The following CHD3 variants were observed in gnomAD, a reference collection of about 807,000 sequenced individuals.
The protein encoded by CHD3 is ATP-dependent chromatin remodeler CHD3.
CHD3 carries 52 observed loss-of-function variants against 248.9 expected under a neutral mutation model. The ratio of observed to expected loss-of-function variants is 0.21; its 90% CI spans 0.17 to 0.26. The LOEUF (loss-of-function observed/expected upper bound fraction) is 0.26, where lower values mean the gene tolerates loss of function less well. Among genes scored for constraint, CHD3 ranks in the 10% least tolerant of loss-of-function variants. The pLI is 1.00. For synonymous variants in CHD3, 985 were observed against 985.2 expected (o/e 1.00, Z 0.00); for missense variants, 1,482 against 2,605.8 (o/e 0.57, Z 9.39).
chr17:7,885,226 G>T (rs1597894097), upstream of CHD3: 1 of 806,280 alleles, frequency 1.2e-6, no homozygotes, highest in East Asian at 1.3e-4. Context: ...GTGGCCCCGC[G>T]GCGGTCCGGG....
rs201820288 is a variant in CHD3 at position 7,890,934 on chromosome 17, C to A, written c.385-6C>A. On this transcript the variant is annotated splice_region_variant and splice_polypyrimidine_tract_variant and intron_variant, in intron 3 of 39. Transcript: ENST00000330494. ...CACCTACTTCACCAAAGCCCCTCTCCCGCAGCAAGTGGAACAGAAGTCATC... is the reference window on the plus strand; with the variant it reads ...CACCTACTTCACCAAAGCCCCTCTCACGCAGCAAGTGGAACAGAAGTCATC... The A allele has an allele frequency of 6.8e-4, 1,097 of 1,613,978 alleles. 3 individuals carry two copies. The highest frequency in any genetic ancestry group is 4.5e-4 in the Non-Finnish European group (533 of 1,179,994).
In CHD3 at chr17:7,911,653, G is replaced by A. The variant is rs571146266; in HGVS notation, c.*68G>A. ...GCCGACCCCCAGCTCAAGCGCTGGG[G>A]CCTGCTGCCAGCCCTCCACCTTCCC... On this transcript the variant is annotated 3_prime_UTR_variant, in exon 40 of 40. Transcript: ENST00000330494. This position sits in a 1 kb window ranked among gnomAD's most constrained non-coding sequence, Gnocchi z 5.4. The A allele has an allele frequency of 6.2e-7, 1 of 1,609,056 alleles. No homozygotes were observed. Among genetic ancestry groups the A allele is most frequent in the East Asian group, 2.2e-5 (1 of 44,698 alleles).
chr17:7,901,429 C>T lies in CHD3; in HGVS notation c.3252+54C>T, dbSNP rs181942833. The T allele has an allele frequency of 1.2e-3, 1,715 of 1,464,920 alleles. 19 individuals are homozygous for T. In the South Asian group the frequency reaches 0.014, roughly 12 times the overall value. 90.7% of individuals were successfully genotyped at this position (1,464,920 alleles called of 1,614,324 possible). A position where few individuals can be genotyped will look rare whatever the true frequency, so the allele number is the denominator to read the frequency against. On this transcript the variant is annotated intron_variant, in intron 20 of 39. Coordinates refer to ENST00000330494, the MANE Select transcript of CHD3 (RefSeq NM_001005273.3). Reference sequence around the variant, plus strand: ...TCTGCTTCCTCTTCCCTCTCCTCATCCTCCAGACTTTAATTTCTTACGGTC... The same window carrying T: ...TCTGCTTCCTCTTCCCTCTCCTCATTCTCCAGACTTTAATTTCTTACGGTC...
intron 4 of CHD3, among the ~76,000 whole-genome samples, chr17:7,891,784 C>G (rs1022268992): frequency 4.6e-5 from 7 of 151,972 alleles, no homozygotes; most frequent in Admixed American, 3.9e-4. Context: ...TCGCTTGAAC[C>G]CGGGAGGCAA....
chr17:7,907,329 C>G lies in CHD3; in HGVS notation c.4789-24C>G, dbSNP rs764546545. ...GGTACCTGGGAGCCCTCTGGCTCAT[C>G]CTGACCCCATTGTCCTCTTCCAGGC... On this transcript the variant is annotated intron_variant, in intron 31 of 39. Transcript: ENST00000330494. The surrounding 1 kb of genome is among the most constrained non-coding windows in gnomAD (Gnocchi z 4.3). 1.2e-6 allele frequency: 2 copies of G among 1,610,024 alleles called. No individual in the cohort carries two copies. Among genetic ancestry groups the G allele is most frequent in the Non-Finnish European group, 1.7e-6 (2 of 1,177,846 alleles).
At position 7,889,262 on chromosome 17, in the gene CHD3, G is replaced by A. The variant is rs1280950303; in HGVS notation, c.100+162G>A. On this transcript the variant is annotated intron_variant, in intron 1 of 39. Transcript: ENST00000330494. The surrounding 1 kb of genome is among the most constrained non-coding windows in gnomAD (Gnocchi z 4.5). Reference sequence around the variant, plus strand: ...TTGTGTCTCCCCACTCCAAGTGCTGGGGTCAGGCCAGGCCAGCAGCTGGGC... The same window carrying A: ...TTGTGTCTCCCCACTCCAAGTGCTGAGGTCAGGCCAGGCCAGCAGCTGGGC... 6.6e-6 allele frequency among the ~76,000 whole-genome samples: 1 copy of A among 152,260 alleles called. No homozygotes were observed. Among genetic ancestry groups the A allele is most frequent in the African/African-American group, 2.4e-5 (1 of 41,466 alleles).
chr17:7,889,721 G>C lies in CHD3; in HGVS notation c.158G>C (p.Gly53Ala), dbSNP rs1283091162. The C allele has an allele frequency of 2.5e-6, 4 of 1,613,444 alleles. No homozygotes were observed. The highest frequency in any genetic ancestry group is 1.3e-5 in the African/African-American group (1 of 74,896). The change falls in exon 2 of 40, where the codon GGA becomes GCA. Residue 53 changes from glycine to alanine, a missense_variant. Around this residue, in one of 20 missense-constraint regions of CHD3, gnomAD observed 169 missense variants for 168.1 expected, o/e 1.01. Transcript: ENST00000330494. The surrounding 1 kb of genome is among the most constrained non-coding windows in gnomAD (Gnocchi z 4.5). ...SALGVKKRKR[G>A]PKKQKENKPG... The stretch of plus-strand genomic sequence containing the variant: ...TTGGGTGTGAAGAAGAGAAAACGAG[G>C]ACCCAAGAAGCAGAAGGAGAACAAG...
upstream of CHD3, among the ~76,000 whole-genome samples, chr17:7,885,717 C>T (rs1010752463): frequency 1.3e-5 from 2 of 152,138 alleles, no homozygotes; most frequent in African/African-American, 2.4e-5. Context: ...CATCGGACCC[C>T]CCTCCACCCG....
Position 7,902,594 on chromosome 17 carries a change from T to C in CHD3, c.3253-16T>C. ...CACCTCATTATTGCAGACTCCATCCTTTTCTCTTGCTCTAGATGACCAAAA... is the reference window on the plus strand; with the variant it reads ...CACCTCATTATTGCAGACTCCATCCCTTTCTCTTGCTCTAGATGACCAAAA... On this transcript the variant is annotated splice_polypyrimidine_tract_variant and intron_variant, in intron 20 of 39. Coordinates refer to ENST00000330494, the MANE Select transcript of CHD3 (RefSeq NM_001005273.3). 3 of 1,562,796 alleles carry C rather than the reference T, an allele frequency of 1.9e-6. No homozygotes were observed. The highest frequency in any genetic ancestry group is 2.6e-6 in the Non-Finnish European group (3 of 1,134,124).
At position 7,905,008 on chromosome 17, in the gene CHD3, T is replaced by C; in HGVS notation, c.4073-92T>C. 1 of 1,174,752 alleles carries C rather than the reference T, an allele frequency of 8.5e-7. No homozygotes were observed. Among genetic ancestry groups the C allele is most frequent in the Non-Finnish European group, 1.3e-6 (1 of 782,904 alleles). The allele number at this position is 1,174,752 out of a possible 1,614,324, so 72.8% of individuals were successfully genotyped here. A position where few individuals can be genotyped will look rare whatever the true frequency, so the allele number is the denominator to read the frequency against. ...CAAGGCCAGAATAAAGGTAGACAAG[T>C]CTCGGCAGGGAGGAATCCAGCCAGA... On this transcript the variant is annotated intron_variant, in intron 25 of 39. Transcript: ENST00000330494. This position sits in a 1 kb window ranked among gnomAD's most constrained non-coding sequence, Gnocchi z 5.8.
Position 7,906,088 on chromosome 17 carries a change from C to A in CHD3, c.4358+99C>A. 6.7e-7 allele frequency: 1 copy of A among 1,498,322 alleles called. No homozygotes were observed. Among genetic ancestry groups the A allele is most frequent in the Non-Finnish European group, 9.2e-7 (1 of 1,083,882 alleles). The allele number at this position is 1,498,322 out of a possible 1,614,324, so 92.8% of individuals were successfully genotyped here. On this transcript the variant is annotated intron_variant, in intron 28 of 39. Coordinates refer to ENST00000330494, the MANE Select transcript of CHD3 (RefSeq NM_001005273.3). The surrounding 1 kb of genome is among the most constrained non-coding windows in gnomAD (Gnocchi z 5.0). ...CGCCATATGATGTGACCTTACTCAA[C>A]TGATTATCACCCTCCCTGTCATACA...
Position 7,900,141 on chromosome 17 carries a change from G to A in CHD3, c.2682+108G>A, listed in dbSNP as rs184277240. 1,067 of 1,522,722 alleles carry A rather than the reference G, an allele frequency of 7.0e-4. 4 individuals are homozygous for A. In the Middle Eastern group the frequency reaches 0.014, roughly 20 times the overall value. 94.3% of individuals were successfully genotyped at this position (1,522,722 alleles called of 1,614,324 possible). On this transcript the variant is annotated intron_variant, in intron 16 of 39. Coordinates refer to ENST00000330494, the MANE Select transcript of CHD3 (RefSeq NM_001005273.3). This position sits in a 1 kb window ranked among gnomAD's most constrained non-coding sequence, Gnocchi z 6.5. ...GGGATTTTCTGTAGTCTGGGAGGACGTCCAGGTTGGAAGAGGGAGAGGGCC... is the reference window on the plus strand; with the variant it reads ...GGGATTTTCTGTAGTCTGGGAGGACATCCAGGTTGGAAGAGGGAGAGGGCC...
At position 7,897,595 on chromosome 17, in the gene CHD3, C is replaced by T. The variant is rs532306208; in HGVS notation, c.1919+301C>T. 3.3e-5 allele frequency among the ~76,000 whole-genome samples: 5 copies of T among 152,238 alleles called. No homozygotes were observed. In the South Asian group the frequency reaches 6.2e-4, roughly 19 times the overall value. On this transcript the variant is annotated intron_variant, in intron 11 of 39. Coordinates refer to ENST00000330494, the MANE Select transcript of CHD3 (RefSeq NM_001005273.3). This position sits in a 1 kb window ranked among gnomAD's most constrained non-coding sequence, Gnocchi z 4.8. ...CAAAACATGAGAGACATAATTCATC[C>T]AGACCAGTGTTTTGAATGTTTCTTC... is the stretch of plus-strand genomic sequence containing the variant.
chr17:7,888,119 G>GGGAGC (rs1968253124), upstream of CHD3, among the ~76,000 whole-genome samples: 1 of 152,214 alleles, frequency 6.6e-6, no homozygotes, highest in Non-Finnish European at 1.5e-5. Flanking sequence ...GGCTGCTGGG[G>GGGAGC]CATGGCGCCT....
Position 7,889,466 on chromosome 17 carries a change from T to C in CHD3, c.101-198T>C, listed in dbSNP as rs1010292510. On this transcript the variant is annotated intron_variant, in intron 1 of 39. Transcript: ENST00000330494. This position sits in a 1 kb window ranked among gnomAD's most constrained non-coding sequence, Gnocchi z 4.5. Reference sequence around the variant, plus strand: ...TTGGCTGCTCTTCTCTTCTGACCCCTGACCTCCCATTCAGAACCAGAGCAT... The same window carrying C: ...TTGGCTGCTCTTCTCTTCTGACCCCCGACCTCCCATTCAGAACCAGAGCAT... 1.3e-5 allele frequency among the ~76,000 whole-genome samples: 2 copies of C among 152,210 alleles called. No individual in the cohort carries two copies. Among genetic ancestry groups the C allele is most frequent in the Admixed American group, 6.5e-5 (1 of 15,290 alleles).
rs771333739 is a variant in CHD3, at chr17:7,895,201, C to T, written c.1503+51C>T. 11 of 1,593,644 alleles carry T rather than the reference C, an allele frequency of 6.9e-6. No individual in the cohort carries two copies. In the Admixed American group the frequency reaches 1.5e-4, roughly 22 times the overall value. On this transcript the variant is annotated intron_variant, in intron 9 of 39. Transcript: ENST00000330494. The surrounding 1 kb of genome is among the most constrained non-coding windows in gnomAD (Gnocchi z 4.9). ...ATTTACTGTCAGGCCTGATCCCTTC[C>T]CCCATCCCTGGGGCCCACATGTCCA...
upstream of CHD3, among the ~76,000 whole-genome samples, chr17:7,885,678 A>G (rs1237062931): frequency 6.6e-6 from 1 of 151,930 alleles, no homozygotes; most frequent in Non-Finnish European, 1.5e-5. Context: ...TCCGCTCAGG[A>G]CTTGGACAGG....
At position 7,906,601 on chromosome 17, in the gene CHD3, C is replaced by A. The variant is rs200904309; in HGVS notation, c.4407C>A (p.Asp1469Glu). ...GCCATCTGTGTGAGCCTGGGGCAGACGGCTCTGAAACCTTTGCCGATGGGG... is the reference window on the plus strand; with the variant it reads ...GCCATCTGTGTGAGCCTGGGGCAGAAGGCTCTGAAACCTTTGCCGATGGGG... ...FMRHLCEPGA[D>E]GSETFADGVP... Residue 1469 changes from aspartate to glutamate, a missense_variant, in exon 29 of 40, where the codon GAC becomes GAA. Transcript: ENST00000330494. The surrounding 1 kb of genome is among the most constrained non-coding windows in gnomAD (Gnocchi z 5.0). 6.2e-7 allele frequency: 1 copy of A among 1,613,892 alleles called. No homozygotes were observed. Among genetic ancestry groups the A allele is most frequent in the African/African-American group, 1.3e-5 (1 of 75,000 alleles).
In CHD3 at chr17:7,910,779, T is replaced by C; in HGVS notation, c.5755-68T>C. ...GTTGTGGAGTGTGGCTCATAATGTC[T>C]CTCCTACAGCTTCTTTCCTCTCACA... On this transcript the variant is annotated intron_variant, in intron 38 of 39. Transcript: ENST00000330494. This position sits in a 1 kb window ranked among gnomAD's most constrained non-coding sequence, Gnocchi z 4.7. 6.4e-7 allele frequency: 1 copy of C among 1,557,534 alleles called. No individual in the cohort carries two copies. Among genetic ancestry groups the C allele is most frequent in the South Asian group, 1.2e-5 (1 of 83,250 alleles).
Sources: gnomAD v4.1 joint callset for allele counts (sites outside exome capture counted in the v4.1 genomes callset) on GRCh38, gnomAD v4.1.1 for gene constraint, gnomAD v4.1.1 regional missense constraint, Gnocchi (gnomAD v3.1) non-coding constraint, MANE v1.5 for transcripts, NCBI Gene and HGNC (gene_info 2026-07-23, HGNC 2026-07-21) for gene names.